ZMIZ1: variants seen among roughly 807,000 people sequenced by gnomAD.
ZMIZ1 encodes the protein zinc finger MIZ-type containing 1.
In ZMIZ1, 17 loss-of-function variants were observed where a neutral mutation model predicts 113.9. That is an observed-to-expected ratio of 0.15 (90% confidence interval 0.10 to 0.22). ZMIZ1 has a LOEUF of 0.22. Among genes scored for constraint, ZMIZ1 ranks in the 10% least tolerant of loss-of-function variants. ZMIZ1 has a pLI of 1.00. For missense variants in ZMIZ1, 1,059 were observed against 1,477.8 expected, an observed-to-expected ratio of 0.72 and a Z score of 4.65; for synonymous variants, 607 against 603.1, an observed-to-expected ratio of 1.01 and a Z score of -0.09.
At chr10:79,075,948 G>A (rs1325588618) in intron 1 of ZMIZ1, among the ~76,000 whole-genome samples, 1 of 152,216 alleles carries the variant, frequency 6.6e-6, no homozygotes, top group Non-Finnish European at 1.5e-5. Context: ...CTGGCAGGGA[G>A]GATGGGGACG....
chr10:79,107,606 G>A (rs1046690658), intron 1 of ZMIZ1, among the ~76,000 whole-genome samples: 8 of 152,220 alleles, frequency 5.3e-5, no homozygotes, highest in African/African-American at 9.7e-5. Context: ...ACCACCGGGC[G>A]GTGGGAGGAG....
At chr10:79,245,680 A>C (rs1255380158) in intron 7 of ZMIZ1, among the ~76,000 whole-genome samples, 2 of 152,188 alleles carry the variant, frequency 1.3e-5, no homozygotes, top group African/African-American at 2.4e-5. Flanking sequence ...GTTCTGCGGA[A>C]GTCCTGCCCG....
intron 5 of ZMIZ1, 46 bp downstream of exon 5, chr10:79,201,738 G>A (rs751626713): frequency 2.4e-5 from 38 of 1,600,946 alleles, no homozygotes; most frequent in Non-Finnish European, 2.7e-5. Context: ...CAGATGGGGC[G>A]GGCTGCAGCA....
intron 7 of ZMIZ1, among the ~76,000 whole-genome samples, chr10:79,256,665 C>T (rs985256314): frequency 6.6e-6 from 1 of 152,222 alleles, no homozygotes; most frequent in Non-Finnish European, 1.5e-5. Context: ...AGACTGGACT[C>T]TTAAGCTCCA....
At chr10:79,185,942 G>A (rs962616057) in intron 4 of ZMIZ1, among the ~76,000 whole-genome samples, 3 of 152,170 alleles carry the variant, frequency 2.0e-5, no homozygotes, top group South Asian at 2.1e-4. Flanking sequence ...TTTCGAGGCT[G>A]TCTAAGGAGT....
At chr10:79,302,790 T>C (rs1165673506) in intron 18 of ZMIZ1, among the ~76,000 whole-genome samples, 2 of 148,504 alleles carry the variant, frequency 1.3e-5, no homozygotes, top group African/African-American at 5.0e-5. Context: ...GCCTCATGGG[T>C]TCACGCCATT....
At chr10:79,203,699 T>C (rs1007080338) in intron 5 of ZMIZ1, among the ~76,000 whole-genome samples, 19 of 152,242 alleles carry the variant, frequency 1.2e-4, no homozygotes, top group Admixed American at 1.2e-3. Flanking sequence ...GGGTCCATCT[T>C]GGGCAGAGGC....
chr10:79,117,200 C>T (rs1444735106), intron 1 of ZMIZ1, among the ~76,000 whole-genome samples: 1 of 152,254 alleles, frequency 6.6e-6, no homozygotes, highest in Non-Finnish European at 1.5e-5. Context: ...CTATAACTCA[C>T]AAAATGTCAC....
intron 3 of ZMIZ1, among the ~76,000 whole-genome samples, chr10:79,161,019 G>C (rs1406288000): frequency 1.3e-5 from 2 of 152,186 alleles, no homozygotes; most frequent in Non-Finnish European, 2.9e-5. Context: ...AGGCCTCTGG[G>C]TGTCATCCTC....
At chr10:79,195,892 C>T (rs139619432) in intron 4 of ZMIZ1, among the ~76,000 whole-genome samples, 1 of 152,300 alleles carries the variant, frequency 6.6e-6, no homozygotes, top group East Asian at 1.9e-4. Context: ...TGCTTCACCT[C>T]TCTGAGCCTT....
chr10:79,182,812 A>C (rs531611949), intron 4 of ZMIZ1, among the ~76,000 whole-genome samples: 9 of 152,234 alleles, frequency 5.9e-5, no homozygotes, highest in Non-Finnish European at 1.3e-4. Context: ...CGATTAAATG[A>C]AATAAATCTT....
At chr10:79,132,730 C>CA (rs1480043066) in intron 2 of ZMIZ1, among the ~76,000 whole-genome samples, 2 of 152,212 alleles carry the variant, frequency 1.3e-5, no homozygotes, top group African/African-American at 4.8e-5. Context: ...GCCCCACAGC[C>CA]AGTGTTCTCT....
chr10:79,263,922 C>G (rs982046251), intron 7 of ZMIZ1, among the ~76,000 whole-genome samples: 6 of 152,018 alleles, frequency 3.9e-5, no homozygotes, highest in African/African-American at 1.5e-4. Context: ...CCTACACCCA[C>G]CTGGGAAGGG....
intron 1 of ZMIZ1, among the ~76,000 whole-genome samples, chr10:79,086,016 A>G (rs1419077794): frequency 1.3e-5 from 2 of 152,168 alleles, no homozygotes; most frequent in African/African-American, 4.8e-5. Context: ...CCCTCTGTGC[A>G]TTGAGGCCCC....
At chr10:79,219,773 C>T (rs1397031020) in intron 7 of ZMIZ1, among the ~76,000 whole-genome samples, 1 of 152,216 alleles carries the variant, frequency 6.6e-6, no homozygotes, top group Non-Finnish European at 1.5e-5. Context: ...ACCCATTCTG[C>T]AGCTGAGAAC....
chr10:79,100,081 C>T (rs1472401078), intron 1 of ZMIZ1, among the ~76,000 whole-genome samples: 1 of 152,100 alleles, frequency 6.6e-6, no homozygotes, highest in Non-Finnish European at 1.5e-5. Context: ...CCCTGGATGA[C>T]TGGTCCTGGC....
chr10:79,290,626 C>T (rs761743998), intron 9 of ZMIZ1: 11 of 495,924 alleles, frequency 2.2e-5, no homozygotes, highest in South Asian at 3.4e-5. Flanking sequence ...AGGGCTCTCC[C>T]CACGGGTACC....
intron 2 of ZMIZ1, among the ~76,000 whole-genome samples, chr10:79,136,558 G>A (rs189881694): frequency 6.6e-6 from 1 of 152,340 alleles, no homozygotes; most frequent in East Asian, 1.9e-4. Context: ...GACCCTTCTG[G>A]TCACTTGAGG....
At chr10:79,138,850 G>T (rs937645379) in intron 2 of ZMIZ1, among the ~76,000 whole-genome samples, 1 of 152,030 alleles carries the variant, frequency 6.6e-6, no homozygotes, top group African/African-American at 2.4e-5. Flanking sequence ...TTATTTCAAG[G>T]GCATGATTGC....
Sources: allele counts gnomAD v4.1 joint callset (sites outside exome capture counted in the v4.1 genomes callset), GRCh38; gene constraint gnomAD v4.1.1; transcripts MANE v1.5; gene names NCBI Gene and HGNC (gene_info 2026-07-23, HGNC 2026-07-21).